Variants in GMPS observed in about 807,000 individuals in gnomAD.
GMPS encodes the protein GMP synthase [glutamine-hydrolyzing].
In GMPS, 15 loss-of-function variants were observed where a neutral mutation model predicts 77.9. The ratio of observed to expected loss-of-function variants is 0.19; its 90% CI spans 0.13 to 0.30. GMPS has a LOEUF of 0.30. GMPS is among the 10% of genes least tolerant of loss of function. GMPS has a pLI of 1.00. For missense variants in GMPS, 590 were observed against 838.8 expected, an observed-to-expected ratio of 0.70 and a Z score of 3.66; for synonymous variants, 224 against 275.9, an observed-to-expected ratio of 0.81 and a Z score of 1.86.
At chr3:155,897,282 A>G (rs1387716364) in intron 2 of GMPS, among the ~76,000 whole-genome samples, 1 of 151,992 alleles carries the variant, frequency 6.6e-6, no homozygotes, top group African/African-American at 2.4e-5. Context: ...TAGTAGTTTG[A>G]CTCCCAAGTT....
chr3:155,897,240 C>A lies in GMPS; in HGVS notation c.210-687C>A, dbSNP rs184887187. Among the ~76,000 whole-genome samples the A allele has an allele frequency of 2.0e-5, 3 of 151,096 alleles. No individual in the cohort carries two copies. In the East Asian group the frequency reaches 5.9e-4, roughly 30 times the overall value. On this transcript the variant is annotated intron_variant, in intron 2 of 15. Coordinates refer to ENST00000496455, the MANE Select transcript of GMPS (RefSeq NM_003875.3). ...GATGTATTAGTGGCCAGGAGAGGAACATAGGCCTCAGTTTGCAGTTTTCCC... is the reference window on the plus strand; with the variant it reads ...GATGTATTAGTGGCCAGGAGAGGAAAATAGGCCTCAGTTTGCAGTTTTCCC...
At chr3:155,912,113 G>C (rs1267748592) in intron 7 of GMPS, among the ~76,000 whole-genome samples, 1 of 152,104 alleles carries the variant, frequency 6.6e-6, no homozygotes, top group Non-Finnish European at 1.5e-5. Flanking sequence ...GTAGTTTAAT[G>C]ATAAAAGTTA....
chr3:155,870,009 C>A (rs775167553), upstream of GMPS, among the ~76,000 whole-genome samples: 1 of 152,216 alleles, frequency 6.6e-6, no homozygotes, highest in Non-Finnish European at 1.5e-5. Flanking sequence ...CAGAGCTTCA[C>A]GACCAGTTCC....
Position 155,890,867 on chromosome 3 carries a change from C to G in GMPS, c.28-2651C>G, listed in dbSNP as rs112828272. On this transcript the variant is annotated intron_variant, in intron 1 of 15. Coordinates refer to ENST00000496455, the MANE Select transcript of GMPS (RefSeq NM_003875.3). ...TTCAAATTTCACTCCAGCATTATCA[C>G]TTTTCATTTCTTTGCTGCATTTTCA... Among the ~76,000 whole-genome samples the G allele has an allele frequency of 5.2e-4, 79 of 152,294 alleles. 4 individuals are homozygous for G. The highest frequency in any genetic ancestry group is 1.8e-3 in the African/African-American group (76 of 41,572).
intron 3 of GMPS, among the ~76,000 whole-genome samples, chr3:155,902,620 A>G (rs528903850): frequency 1.4e-4 from 21 of 152,332 alleles, no homozygotes; most frequent in African/African-American, 4.6e-4. Flanking sequence ...GCAGAGGCCA[A>G]TATTTTTCTC....
chr3:155,880,385 A>G (rs1286364181), intron 1 of GMPS, among the ~76,000 whole-genome samples: 1 of 152,182 alleles, frequency 6.6e-6, no homozygotes, highest in Non-Finnish European at 1.5e-5. Flanking sequence ...TGAGGGTAAC[A>G]GTTGCTCATT....
chr3:155,906,344 C>G, intron 5 of GMPS, 81 bp downstream of exon 5: 7 of 689,730 alleles, frequency 1.0e-5, no homozygotes, highest in Non-Finnish European at 1.7e-5. Flanking sequence ...ATGAGGTACT[C>G]TTTGATTTTT....
intron 4 of GMPS, among the ~76,000 whole-genome samples, chr3:155,905,742 A>G (rs1398934900): frequency 6.6e-6 from 1 of 152,212 alleles, no homozygotes; most frequent in Admixed American, 6.5e-5. Context: ...CAGTTACAGG[A>G]TAACAGTTTC....
At chr3:155,888,150 A>G (rs1754379161) in intron 1 of GMPS, among the ~76,000 whole-genome samples, 1 of 151,030 alleles carries the variant, frequency 6.6e-6, no homozygotes, top group Non-Finnish European at 1.5e-5. Context: ...GGGCTCAAGT[A>G]ATCCCCCCTC....
At chr3:155,881,344 G>T (rs2108054697) in intron 1 of GMPS, among the ~76,000 whole-genome samples, 1 of 151,754 alleles carries the variant, frequency 6.6e-6, no homozygotes, top group Admixed American at 6.6e-5. Context: ...GGCTAATTTT[G>T]TATTTTTAGT....
In GMPS at chr3:155,911,416, C is replaced by T. The variant is rs191024609; in HGVS notation, c.886+137C>T. 32 of 523,644 alleles carry T rather than the reference C, an allele frequency of 6.1e-5. No individual in the cohort carries two copies. In the East Asian group the frequency reaches 8.5e-4, roughly 14 times the overall value. The allele number at this position is 523,644 out of a possible 1,614,324, so 32.4% of individuals were successfully genotyped here. A position where few individuals can be genotyped will look rare whatever the true frequency, so the allele number is the denominator to read the frequency against. On this transcript the variant is annotated intron_variant, in intron 7 of 15. Transcript: ENST00000496455. Reference sequence around the variant, plus strand: ...AAAATGTTTTTTATTTTTACAATTACCTCTGGTGTAAGAGAGGTCTCAGTA... The same window carrying T: ...AAAATGTTTTTTATTTTTACAATTATCTCTGGTGTAAGAGAGGTCTCAGTA...
At chr3:155,880,981 C>T (rs945570487) in intron 1 of GMPS, among the ~76,000 whole-genome samples, 17 of 151,274 alleles carry the variant, frequency 1.1e-4, no homozygotes, top group Non-Finnish European at 1.9e-4. Context: ...ACAAAGTCAC[C>T]GAGAGATGAC....
rs553649710 is a variant in GMPS at position 155,914,480 on chromosome 3, T to C, written c.948T>C (p.Asp316=). The change falls in exon 8 of 16, where the codon GAT becomes GAC. Residue 316 remains aspartate, a synonymous_variant. Transcript: ENST00000496455. ...GTTTLPISDE[D]RTPRKRISKT... is the part of the protein sequence containing the mutation. The stretch of plus-strand genomic sequence containing the variant: ...CAACCCTACCAATATCAGATGAAGA[T>C]AGAACCCCACGGAAAAGAATTAGCA... The C allele has an allele frequency of 1.2e-6, 2 of 1,605,992 alleles. No homozygotes were observed. Among genetic ancestry groups the C allele is most frequent in the South Asian group, 1.1e-5 (1 of 89,062 alleles).
chr3:155,899,031 G>A (rs1754667183), intron 3 of GMPS, among the ~76,000 whole-genome samples: 1 of 152,028 alleles, frequency 6.6e-6, no homozygotes, highest in Non-Finnish European at 1.5e-5. Flanking sequence ...AGGAGTTCGA[G>A]ACCAGCCTGA....
At position 155,938,391 on chromosome 3, in the gene GMPS, A is replaced by G; in HGVS notation, c.*699A>G. On this transcript the variant is annotated 3_prime_UTR_variant, in exon 16 of 16. Transcript: ENST00000496455. The stretch of plus-strand genomic sequence containing the variant: ...GTTCCACATAGATGCCATGTTATTC[A>G]ATGTCAGCTTGTTTATTAGTAAGGA... 4.6e-6 allele frequency: 1 copy of G among 215,084 alleles called. No individual in the cohort carries two copies. The highest frequency in any genetic ancestry group is 9.4e-6 in the Non-Finnish European group (1 of 106,430). 13.3% of individuals were successfully genotyped at this position (215,084 alleles called of 1,614,324 possible). A position where few individuals can be genotyped will look rare whatever the true frequency, so the allele number is the denominator to read the frequency against.
rs116742564 is a variant in GMPS, at chr3:155,922,870, G to A, written c.1434+568G>A. On this transcript the variant is annotated intron_variant, in intron 11 of 15. Transcript: ENST00000496455. Reference sequence around the variant, plus strand: ...ATGTGTGTGGTCTGAAAATTGCAACGAAATAATTTTAAAGTGGATCTGGGT... The same window carrying A: ...ATGTGTGTGGTCTGAAAATTGCAACAAAATAATTTTAAAGTGGATCTGGGT... 3.0e-3 allele frequency among the ~76,000 whole-genome samples: 454 copies of A among 152,260 alleles called. 3 individuals are homozygous for A. The highest frequency in any genetic ancestry group is 0.011 in the African/African-American group (440 of 41,558).
chr3:155,893,446 A>G (rs1403585077), intron 1 of GMPS, 72 bp from the exon 2 acceptor site: 2 of 984,326 alleles, frequency 2.0e-6, no homozygotes, highest in African/African-American at 1.7e-5. Flanking sequence ...GACAGTGATC[A>G]TTAATTTTTT....
At chr3:155,893,745 G>T in intron 2 of GMPS, 46 bp downstream of exon 2, 1 of 1,033,286 alleles carries the variant, frequency 9.7e-7, no homozygotes, top group African/African-American at 1.6e-5. Flanking sequence ...AACTTAGATT[G>T]TGGAATATTT....
chr3:155,919,099 A>G, intron 9 of GMPS, 134 bp from the exon 10 acceptor site: 3 of 558,154 alleles, frequency 5.4e-6, no homozygotes, highest in Non-Finnish European at 9.7e-6. Flanking sequence ...AAATACTTTA[A>G]AAGATGCATT....
Sources: gnomAD v4.1 joint callset for allele counts (sites outside exome capture counted in the v4.1 genomes callset) on GRCh38, gnomAD v4.1.1 for gene constraint, MANE v1.5 for transcripts, NCBI Gene and HGNC (gene_info 2026-07-23, HGNC 2026-07-21) for gene names.